IQGAP1: variants seen among roughly 807,000 people sequenced by gnomAD.
The protein encoded by IQGAP1 is ras GTPase-activating-like protein IQGAP1.
In IQGAP1, 66 loss-of-function variants were observed where a neutral mutation model predicts 215.6. The observed-to-expected ratio is 0.31, with a 90% CI of 0.25 to 0.38. The LOEUF (loss-of-function observed/expected upper bound fraction) is 0.38. Among genes scored for constraint, IQGAP1 ranks in the 10% least tolerant of loss-of-function variants. IQGAP1 has a pLI of 1.00. For missense variants in IQGAP1, 1,712 were observed against 1,997.1 expected (o/e 0.86, Z 2.72); for synonymous variants, 772 against 728.7 (o/e 1.06, Z -0.96).
At chr15:90,411,826 C>T (rs1964970380) in intron 2 of IQGAP1, among the ~76,000 whole-genome samples, 1 of 152,078 alleles carries the variant, frequency 6.6e-6, no homozygotes, top group Non-Finnish European at 1.5e-5. Flanking sequence ...GACAGCTGAC[C>T]ATGGTAATGT....
rs146849913 is a variant in IQGAP1, at chr15:90,424,389, T to A, written c.156-1721T>A. ...GTTTCATTTTTCCCCTTTCTGACAA[T>A]TTAAGTTCTACTATTTGAAAGAAAG... is the stretch of plus-strand genomic sequence containing the variant. On this transcript the variant is annotated intron_variant, in intron 2 of 37. Transcript: ENST00000268182. Among the ~76,000 whole-genome samples the A allele has an allele frequency of 6.4e-4, 98 of 152,322 alleles. 2 individuals are homozygous for A. In the East Asian group the frequency reaches 0.018, roughly 29 times the overall value.
intron 2 of IQGAP1, among the ~76,000 whole-genome samples, chr15:90,418,807 G>A (rs1049457650): frequency 2.0e-5 from 3 of 152,102 alleles, no homozygotes; most frequent in African/African-American, 7.2e-5. Flanking sequence ...TCAGTAGGTC[G>A]TAACTGTTGT....
chr15:90,462,360 A>G (rs1965775926), intron 15 of IQGAP1, among the ~76,000 whole-genome samples: 1 of 152,186 alleles, frequency 6.6e-6, no homozygotes, highest in Non-Finnish European at 1.5e-5. Context: ...TATCTTTGCC[A>G]TCACTCCCCA....
chr15:90,405,188 T>G (rs1964860345), intron 2 of IQGAP1, among the ~76,000 whole-genome samples: 1 of 152,188 alleles, frequency 6.6e-6, no homozygotes, highest in African/African-American at 2.4e-5. Flanking sequence ...GGAAATGTGC[T>G]CTGGAGGGTG....
intron 33 of IQGAP1, among the ~76,000 whole-genome samples, chr15:90,490,453 TGACTATGAAGGATGGC>T (rs56970244): frequency 0.16 from 23,526 of 151,632 alleles, 2,568 homozygotes; most frequent in East Asian, 0.46. Flanking sequence ...CAATGGACGG[TGACTATGAAGGATGGC>T]GACTATGAAG....
intron 1 of IQGAP1, among the ~76,000 whole-genome samples, chr15:90,388,638 G>C (rs182492535): frequency 2.0e-5 from 3 of 152,102 alleles, no homozygotes; most frequent in Non-Finnish European, 2.9e-5. Context: ...GGCCGCGGTA[G>C]GGGGAGCCCC....
intron 36 of IQGAP1, among the ~76,000 whole-genome samples, chr15:90,495,385 A>G (rs1299930212): frequency 4.6e-5 from 5 of 108,394 alleles, no homozygotes; most frequent in East Asian, 1.3e-3. Flanking sequence ...TAGGGGGGGA[A>G]AAAAAACAAC....
At chr15:90,466,499 T>G (rs1266177892) in intron 17 of IQGAP1, 63 bp downstream of exon 17, 6 of 1,482,852 alleles carry the variant, frequency 4.0e-6, no homozygotes, top group Non-Finnish European at 5.6e-6. Context: ...AGGGGACAGA[T>G]GTAGAGGAAA....
intron 2 of IQGAP1, among the ~76,000 whole-genome samples, chr15:90,415,225 A>G (rs1965028547): frequency 2.0e-5 from 3 of 152,330 alleles, no homozygotes; most frequent in Middle Eastern, 3.4e-3. Flanking sequence ...TGTATATTTT[A>G]TGAATTTTTA....
rs757353682 is a variant in IQGAP1 at position 90,440,488 on chromosome 15, A to G, written c.536-14A>G. ...GCTTAGCTTGATTGACTGATTATTA[A>G]TTCCCTCCTGTAGAAGAAGAAATCA... is the stretch of plus-strand genomic sequence containing the variant. On this transcript the variant is annotated splice_polypyrimidine_tract_variant and intron_variant, in intron 6 of 37. Coordinates refer to ENST00000268182, the MANE Select transcript of IQGAP1 (RefSeq NM_003870.4). 2 of 1,529,126 alleles carry G rather than the reference A, an allele frequency of 1.3e-6. No individual in the cohort carries two copies. Among genetic ancestry groups the G allele is most frequent in the Non-Finnish European group, 1.8e-6 (2 of 1,124,288 alleles). The allele number at this position is 1,529,126 out of a possible 1,614,324, so 94.7% of individuals were successfully genotyped here.
intron 2 of IQGAP1, among the ~76,000 whole-genome samples, chr15:90,411,586 A>G (rs143813440): frequency 1.3e-5 from 2 of 152,284 alleles, no homozygotes; most frequent in Non-Finnish European, 2.9e-5. Flanking sequence ...CCTGTCTTCT[A>G]CTTTGTAGAG....
At chr15:90,460,999 TAAAAAAAAAA>T (rs36022965) in intron 15 of IQGAP1, among the ~76,000 whole-genome samples, 83 of 88,750 alleles carry the variant, frequency 9.4e-4, no homozygotes, top group Middle Eastern at 7.7e-3. Context: ...ACCCTGTCTT[TAAAAAAAAAA>T]AAAAAAAAAA....
At position 90,477,239 on chromosome 15, in the gene IQGAP1, A is replaced by G; in HGVS notation, c.3104+9A>G. The G allele has an allele frequency of 6.2e-7, 1 of 1,612,920 alleles. No homozygotes were observed. The highest frequency in any genetic ancestry group is 8.5e-7 in the Non-Finnish European group (1 of 1,179,248). On this transcript the variant is annotated intron_variant, in intron 25 of 37. Coordinates refer to ENST00000268182, the MANE Select transcript of IQGAP1 (RefSeq NM_003870.4). ...CTCCAAGAGGAAATCAAGTATGAAC[A>G]GATTTCCTCAGGGCACAGGCCCCTT...
intron 31 of IQGAP1, 74 bp from the exon 32 acceptor site, chr15:90,486,880 T>G (rs1308394372): frequency 2.1e-6 from 3 of 1,432,380 alleles, no homozygotes; most frequent in Non-Finnish European, 2.9e-6. Flanking sequence ...TGCATCATCT[T>G]ATATTTGTAT....
Position 90,466,546 on chromosome 15 carries a change from G to A in IQGAP1, c.2035+110G>A, listed in dbSNP as rs1040918001. Reference sequence around the variant, plus strand: ...TAGGGAAAGACCTTTTAGCATAGATGTACAGTACTTAGGCTCATTTTAAAG... The same window carrying A: ...TAGGGAAAGACCTTTTAGCATAGATATACAGTACTTAGGCTCATTTTAAAG... On this transcript the variant is annotated intron_variant, in intron 17 of 37. Coordinates refer to ENST00000268182, the MANE Select transcript of IQGAP1 (RefSeq NM_003870.4). 3.0e-6 allele frequency: 3 copies of A among 1,011,352 alleles called. No individual in the cohort carries two copies. The African/African-American group carries it at 4.8e-5, about 16-fold the overall frequency. 62.6% of individuals were successfully genotyped at this position (1,011,352 alleles called of 1,614,324 possible).
intron 18 of IQGAP1, among the ~76,000 whole-genome samples, chr15:90,470,554 A>ATGGAGT (rs2043876504): frequency 1.3e-5 from 2 of 152,068 alleles, no homozygotes; most frequent in African/African-American, 4.8e-5. Flanking sequence ...CACATCTTTG[A>ATGGAGT]AAAAATAATA....
intron 15 of IQGAP1, among the ~76,000 whole-genome samples, chr15:90,464,713 G>A (rs1019018840): frequency 2.0e-5 from 3 of 152,078 alleles, no homozygotes; most frequent in African/African-American, 4.8e-5. Flanking sequence ...TTAGCTGGGC[G>A]TGGTGGCGGG....
At chr15:90,419,832 C>A (rs977032736) in intron 2 of IQGAP1, among the ~76,000 whole-genome samples, 1 of 152,160 alleles carries the variant, frequency 6.6e-6, no homozygotes. Flanking sequence ...TACTCCTGTT[C>A]CATTTCAGGC....
At chr15:90,407,446 G>A (rs973000719) in intron 2 of IQGAP1, among the ~76,000 whole-genome samples, 5 of 152,178 alleles carry the variant, frequency 3.3e-5, no homozygotes, top group Non-Finnish European at 5.9e-5. Context: ...TTTGTCAGAT[G>A]TGGTGCCAGG....
Sources: gnomAD v4.1 joint callset for allele counts (sites outside exome capture counted in the v4.1 genomes callset) on GRCh38, gnomAD v4.1.1 for gene constraint, MANE v1.5 for transcripts, NCBI Gene and HGNC (gene_info 2026-07-23, HGNC 2026-07-21) for gene names.